Variants in ADGRL2 observed in about 807,000 individuals in gnomAD.
The protein encoded by ADGRL2 is adhesion G protein-coupled receptor L2, also known as calcium-independent alpha-latrotoxin receptor 2.
ADGRL2 carries 44 observed loss-of-function variants against 157.4 expected under a neutral mutation model. That is an observed-to-expected ratio of 0.28 (90% CI 0.22 to 0.36). ADGRL2 has a LOEUF of 0.36. Among genes scored for constraint, ADGRL2 ranks in the 10% least tolerant of loss-of-function variants. The probability of loss-of-function intolerance (pLI) is 1.00; values close to 1 mark genes in which losing one functional copy is unlikely to be tolerated. For synonymous variants in ADGRL2, 585 were observed against 624.7 expected (o/e 0.94, Z 0.95); for missense variants, 1,510 against 1,768.9 (o/e 0.85, Z 2.63).
At chr1:81,907,321 C>A in intron 3 of ADGRL2, 91 bp downstream of exon 3, 1 of 1,017,312 alleles carries the variant, frequency 9.8e-7, no homozygotes, top group Non-Finnish European at 1.5e-6. Context: ...GGATATAGAC[C>A]ACATCCCAGC....
chr1:81,342,966 C>A (rs969935740), intron 1 of ADGRL2, among the ~76,000 whole-genome samples: 3 of 151,910 alleles, frequency 2.0e-5, no homozygotes, highest in Non-Finnish European at 2.9e-5. Flanking sequence ...AAAAAGTATG[C>A]AAGTAACTTT....
At chr1:81,370,113 G>A (rs1172338088) in intron 1 of ADGRL2, among the ~76,000 whole-genome samples, 1 of 151,948 alleles carries the variant, frequency 6.6e-6, no homozygotes, top group Non-Finnish European at 1.5e-5. Context: ...AAGTGGTTTG[G>A]ACACAATTTG....
upstream of ADGRL2, chr1:81,800,475 GC>G (rs2087867589): frequency 6.6e-6 from 1 of 151,964 alleles, no homozygotes; most frequent in Non-Finnish European, 1.5e-5. Flanking sequence ...GGGGCCTCTG[GC>G]TCGGTGCGTG....
chr1:81,712,361 C>T (rs1292533874), intron 1 of ADGRL2, among the ~76,000 whole-genome samples: 2 of 152,062 alleles, frequency 1.3e-5, no homozygotes, highest in African/African-American at 4.8e-5. Flanking sequence ...CGGTCTTCAT[C>T]GATGTGACCT....
intron 3 of ADGRL2, among the ~76,000 whole-genome samples, chr1:81,634,431 T>A (rs571189604): frequency 2.0e-5 from 3 of 152,056 alleles, no homozygotes; most frequent in Non-Finnish European, 4.4e-5. Context: ...TCATCTGGCT[T>A]CTGCTTGCCT....
chr1:81,835,770 G>T (rs1334501935), intron 1 of ADGRL2, among the ~76,000 whole-genome samples: 4 of 152,044 alleles, frequency 2.6e-5, no homozygotes, highest in Non-Finnish European at 2.9e-5. Flanking sequence ...GTCATAGAGG[G>T]ATCCTTAGGG....
At chr1:81,322,463 A>G (rs1376908738) in intron 1 of ADGRL2, among the ~76,000 whole-genome samples, 6 of 152,292 alleles carry the variant, frequency 3.9e-5, no homozygotes, top group Middle Eastern at 3.4e-3. Flanking sequence ...GAGGTTTTCT[A>G]GCAAGGAACT....
rs61768874 is a variant in ADGRL2, at chr1:81,342,103, C to T, written c.-302+35594C>T. 9.0e-3 allele frequency among the ~76,000 whole-genome samples: 1,364 copies of T among 152,054 alleles called. 8 individuals carry two copies. Among genetic ancestry groups the T allele is most frequent in the Non-Finnish European group, 0.012 (802 of 67,942 alleles). ...CTGTGAAACAAAGATTTTTTTGGAT[C>T]CTGCTATAGGGCTAGAATTATAATA... On this transcript the variant is annotated intron_variant, in intron 1 of 24. Transcript: ENST00000370721.
chr1:81,949,108 C>CA (rs1650910915), intron 6 of ADGRL2, among the ~76,000 whole-genome samples: 1 of 152,052 alleles, frequency 6.6e-6, no homozygotes. Flanking sequence ...GATTTGAAAA[C>CA]ATAGCTATTT....
chr1:81,516,884 G>A (rs1296792872), intron 2 of ADGRL2, among the ~76,000 whole-genome samples: 1 of 152,012 alleles, frequency 6.6e-6, no homozygotes, highest in Non-Finnish European at 1.5e-5. Context: ...TCTGTTGGGT[G>A]CTTATATGTT....
At chr1:81,792,621 G>A (rs1339264502) in intron 2 of ADGRL2, among the ~76,000 whole-genome samples, 1 of 152,040 alleles carries the variant, frequency 6.6e-6, no homozygotes, top group Middle Eastern at 3.4e-3. Context: ...GCTAATAAAG[G>A]TTTTATGAGA....
intron 1 of ADGRL2, among the ~76,000 whole-genome samples, chr1:81,349,814 T>A (rs1662751166): frequency 6.6e-6 from 1 of 151,948 alleles, no homozygotes; most frequent in South Asian, 2.1e-4. Flanking sequence ...GTACTTTGCC[T>A]CTGGGAGTGA....
chr1:81,603,238 C>G (rs985399003), intron 3 of ADGRL2, among the ~76,000 whole-genome samples: 9 of 152,246 alleles, frequency 5.9e-5, no homozygotes, highest in African/African-American at 2.2e-4. Flanking sequence ...AACCCAAACC[C>G]GAGAAATCTC....
intron 2 of ADGRL2, among the ~76,000 whole-genome samples, chr1:81,513,139 A>G: frequency 6.6e-6 from 1 of 152,068 alleles, no homozygotes; most frequent in Admixed American, 6.6e-5. Context: ...TCTCTTTTTA[A>G]TGCTTACTGG....
chr1:81,814,354 A>G (rs373905341), intron 1 of ADGRL2, among the ~76,000 whole-genome samples: 1 of 151,626 alleles, frequency 6.6e-6, no homozygotes, highest in South Asian at 2.1e-4. Flanking sequence ...TATTATGAAG[A>G]ATAGTCCTTC....
At chr1:81,868,063 G>A (rs1199670163) in intron 2 of ADGRL2, among the ~76,000 whole-genome samples, 1 of 136,940 alleles carries the variant, frequency 7.3e-6, no homozygotes, top group Non-Finnish European at 1.5e-5. Context: ...TGTGTGTGGT[G>A]TGTGTGTGTG....
intron 3 of ADGRL2, among the ~76,000 whole-genome samples, chr1:81,691,878 G>GTCTATATATATATATATATATATATATA: frequency 8.2e-6 from 1 of 122,476 alleles, no homozygotes; most frequent in Admixed American, 9.2e-5. Context: ...GTGTGTGTGT[G>GTCTATATATATATATATATATATATATA]TGTATATATA....
chr1:81,878,964 T>G (rs116187927), intron 2 of ADGRL2, among the ~76,000 whole-genome samples: 3 of 152,326 alleles, frequency 2.0e-5, no homozygotes, highest in Non-Finnish European at 4.4e-5. Flanking sequence ...AAGAAGATAC[T>G]TCCCCCAAAA....
intron 2 of ADGRL2, among the ~76,000 whole-genome samples, chr1:81,852,517 C>T (rs965267132): frequency 7.2e-5 from 11 of 151,988 alleles, no homozygotes; most frequent in African/African-American, 2.2e-4. Flanking sequence ...GAAAATTCTC[C>T]CCGATACAAC....
Sources: allele counts gnomAD v4.1 joint callset (sites outside exome capture counted in the v4.1 genomes callset), GRCh38; gene constraint gnomAD v4.1.1; transcripts MANE v1.5; gene names NCBI Gene and HGNC (gene_info 2026-07-23, HGNC 2026-07-21).